The following HEATR5A variants were observed in gnomAD, a reference collection of about 807,000 sequenced individuals.
HEATR5A encodes the protein HEAT repeat containing 5A.
HEATR5A carries 178 observed loss-of-function variants against 218.8 expected under a neutral mutation model. The observed-to-expected ratio is 0.81, with a 90% CI of 0.72 to 0.92. The LOEUF (loss-of-function observed/expected upper bound fraction) is 0.92, where lower values mean the gene tolerates loss of function less well. Ranked by LOEUF, HEATR5A falls within the 40% of genes least tolerant of loss-of-function variation. The probability of loss-of-function intolerance (pLI) is 0.00; values close to 1 mark genes in which losing one functional copy is unlikely to be tolerated. For missense variants in HEATR5A, 2,420 were observed against 2,418.9 expected (o/e 1.00, Z -0.01); for synonymous variants, 864 against 871.6 (o/e 0.99, Z 0.15).
chr14:31,326,642 A>T (rs1045421124), intron 22 of HEATR5A, among the ~76,000 whole-genome samples: 3 of 151,682 alleles, frequency 2.0e-5, no homozygotes, highest in East Asian at 1.9e-4. Context: ...TACTTACAAA[A>T]TTTTTTTTTC....
At chr14:31,385,194 T>C (rs967049712) in intron 9 of HEATR5A, among the ~76,000 whole-genome samples, 15 of 152,174 alleles carry the variant, frequency 9.9e-5, no homozygotes, top group African/African-American at 3.1e-4. Context: ...GGCATGATAA[T>C]AGCTCACTGT....
At chr14:31,356,604 A>G (rs915490677) in intron 16 of HEATR5A, among the ~76,000 whole-genome samples, 1 of 152,134 alleles carries the variant, frequency 6.6e-6, no homozygotes, top group African/African-American at 2.4e-5. Flanking sequence ...AAACAGAATG[A>G]TAGGGTTTGC....
intron 7 of HEATR5A, 60 bp downstream of exon 7, chr14:31,388,785 C>G (rs927075666): frequency 2.1e-5 from 30 of 1,395,472 alleles, no homozygotes; most frequent in Non-Finnish European, 2.7e-5. Context: ...GAGTCAGATA[C>G]TAAAACTTTC....
At position 31,296,016 on chromosome 14, in the gene HEATR5A, T is replaced by C. The variant is rs1256657096; in HGVS notation, c.5512A>G (p.Ile1838Val). ...ELDEVSLLTAITVFILSTSPE... is the reference protein window; with the variant it reads ...ELDEVSLLTAVTVFILSTSPE... ...CTGGTAGACAAAATAAACACTGTGA[T>C]AGCAGTAAGTAGACTGACTTCATCA... Residue 1838 changes from isoleucine (I) to valine (V), a missense_variant, in exon 34 of 36, where the codon ATC (isoleucine) becomes GTC (valine). By Grantham distance (29) the Ile-to-Val change is conservative. Transcript: ENST00000543095. The C allele has an allele frequency of 6.2e-7, 1 of 1,613,436 alleles. No homozygotes were observed. Among genetic ancestry groups the C allele is most frequent in the African/African-American group, 1.3e-5 (1 of 75,044 alleles).
Position 31,309,014 on chromosome 14 carries a change from G to C in HEATR5A, c.4610C>G (p.Ser1537Cys). The C allele has an allele frequency of 6.2e-7, 1 of 1,613,814 alleles. No homozygotes were observed. The highest frequency in any genetic ancestry group is 8.5e-7 in the Non-Finnish European group (1 of 1,179,826). The change falls in exon 29 of 36, where the codon TCC (serine) becomes TGC (cysteine). Residue 1537 changes from serine to cysteine, a missense_variant. Coordinates refer to ENST00000543095, the MANE Select transcript of HEATR5A (RefSeq NM_015473.4). ...CCCAGATGATGAACCCTGACACATG[G>C]AAGTTGGTGTTACAGGCCTGGAGAG... The part of the protein sequence containing the change: ...SNLSRPVTPT[S>C]MCQGSSSGAT...
chr14:31,375,075 G>A, intron 11 of HEATR5A, 107 bp from the exon 12 acceptor site: 1 of 927,050 alleles, frequency 1.1e-6, no homozygotes, highest in Non-Finnish European at 1.6e-6. Flanking sequence ...ATTCATTATT[G>A]CAACATTTTG....
intron 13 of HEATR5A, among the ~76,000 whole-genome samples, chr14:31,366,234 A>C (rs2139244167): frequency 6.6e-6 from 1 of 152,262 alleles, no homozygotes; most frequent in East Asian, 1.9e-4. Context: ...TGACTGCGCC[A>C]CTGCACTCAA....
At chr14:31,313,404 A>G (rs1035639047) in intron 27 of HEATR5A, among the ~76,000 whole-genome samples, 10 of 152,194 alleles carry the variant, frequency 6.6e-5, no homozygotes, top group African/African-American at 2.4e-4. Flanking sequence ...CATTAGGGAT[A>G]ACAAATATCT....
intron 10 of HEATR5A, 146 bp downstream of exon 10, chr14:31,383,375 C>T (rs988088570): frequency 8.5e-6 from 6 of 709,984 alleles, no homozygotes; most frequent in African/African-American, 1.8e-5. Context: ...CTCTATTTAT[C>T]CTCTAAAATA....
intron 1 of HEATR5A, among the ~76,000 whole-genome samples, chr14:31,417,848 CA>C (rs976034013): frequency 1.2e-4 from 18 of 152,004 alleles, no homozygotes; most frequent in African/African-American, 4.1e-4. Context: ...TTACACACTG[CA>C]GATCCAGAAG....
intron 16 of HEATR5A, among the ~76,000 whole-genome samples, chr14:31,353,070 T>C (rs1901288529): frequency 6.6e-6 from 1 of 152,044 alleles, no homozygotes; most frequent in African/African-American, 2.4e-5. Flanking sequence ...GTATTTATCG[T>C]AATAAATTTG....
intron 23 of HEATR5A, among the ~76,000 whole-genome samples, chr14:31,325,504 G>GTATGTATGTATA (rs1900237928): frequency 6.6e-6 from 1 of 151,802 alleles, no homozygotes; most frequent in Non-Finnish European, 1.5e-5. Context: ...ATGTATGTAT[G>GTATGTATGTATA]TATGTATGTA....
At chr14:31,387,066 A>G in intron 8 of HEATR5A, 54 bp downstream of exon 8, 1 of 1,578,004 alleles carries the variant, frequency 6.3e-7, no homozygotes, top group East Asian at 2.2e-5. Flanking sequence ...AGCTTTCCCA[A>G]AGGGACAATT....
chr14:31,337,898 T>C (rs147307227), intron 21 of HEATR5A, among the ~76,000 whole-genome samples: 110 of 152,272 alleles, frequency 7.2e-4, no homozygotes, highest in Non-Finnish European at 3.5e-4. Flanking sequence ...TATGAGTAAA[T>C]AGACTTTTAA....
At chr14:31,390,953 C>A (rs1484430984) in intron 6 of HEATR5A, among the ~76,000 whole-genome samples, 1 of 152,150 alleles carries the variant, frequency 6.6e-6, no homozygotes, top group African/African-American at 2.4e-5. Flanking sequence ...ATGCGTGTCA[C>A]TGCCCTTGAA....
chr14:31,390,450 T>C (rs2030408376), intron 6 of HEATR5A, among the ~76,000 whole-genome samples: 1 of 152,168 alleles, frequency 6.6e-6, no homozygotes, highest in Admixed American at 6.5e-5. Flanking sequence ...GTGGTTAAAG[T>C]GAAGTGGAGT....
At chr14:31,373,034 G>A (rs1396975650) in intron 12 of HEATR5A, among the ~76,000 whole-genome samples, 1 of 151,220 alleles carries the variant, frequency 6.6e-6, no homozygotes. Context: ...CACCTCCCAC[G>A]CTCAGGTAAT....
chr14:31,419,872 T>G (rs57921816), intron 1 of HEATR5A, among the ~76,000 whole-genome samples: 1 of 152,258 alleles, frequency 6.6e-6, no homozygotes, highest in Non-Finnish European at 1.5e-5. Context: ...AAGCTTTCTT[T>G]CCTGGAGAGA....
intron 6 of HEATR5A, among the ~76,000 whole-genome samples, chr14:31,391,866 T>A (rs2030467781): frequency 6.6e-6 from 1 of 152,230 alleles, no homozygotes; most frequent in Admixed American, 6.5e-5. Flanking sequence ...CAATAGTCTA[T>A]ACCATATAGC....
Sources: allele counts gnomAD v4.1 joint callset (sites outside exome capture counted in the v4.1 genomes callset), GRCh38; gene constraint gnomAD v4.1.1; transcripts MANE v1.5; gene names NCBI Gene and HGNC (gene_info 2026-07-23, HGNC 2026-07-21).